FBXL20: variants seen among roughly 807,000 people sequenced by gnomAD.
The protein encoded by FBXL20 is F-box and leucine rich repeat protein 20.
FBXL20 carries 11 observed loss-of-function variants against 64.0 expected under a neutral mutation model. That is an observed-to-expected ratio of 0.17 (90% confidence interval 0.11 to 0.28). FBXL20 has a LOEUF of 0.28. FBXL20 is among the 10% of genes least tolerant of loss of function. FBXL20 has a pLI of 1.00. For synonymous variants in FBXL20, 184 were observed against 189.0 expected (o/e 0.97, Z 0.22); for missense variants, 303 against 526.2 (o/e 0.58, Z 4.15).
At chr17:39,350,260 G>A (rs2047674853) in intron 1 of FBXL20, among the ~76,000 whole-genome samples, 1 of 152,114 alleles carries the variant, frequency 6.6e-6, no homozygotes, top group Non-Finnish European at 1.5e-5. Context: ...GGAGGCCAAG[G>A]CGGGCTGATC....
At chr17:39,357,112 A>T (rs1205617837) in intron 1 of FBXL20, among the ~76,000 whole-genome samples, 1 of 151,634 alleles carries the variant, frequency 6.6e-6, no homozygotes, top group Non-Finnish European at 1.5e-5. Context: ...CGTCTCTACT[A>T]AAAATACAAA....
At chr17:39,367,048 A>T (rs1597823572) in intron 1 of FBXL20, among the ~76,000 whole-genome samples, 1 of 151,334 alleles carries the variant, frequency 6.6e-6, no homozygotes, top group Admixed American at 6.6e-5. Flanking sequence ...ACGCCCAGCT[A>T]ATTTTTTGTA....
rs376129048 is a variant in FBXL20, at chr17:39,303,664, A to T, written c.105-25T>A. ...CCTAAAAAGAAAAGAGAGAAAGACA[A>T]ATTTTATTGTATGATAAAGTAGTTG... On this transcript the variant is annotated intron_variant, in intron 2 of 14. Coordinates refer to ENST00000264658, the MANE Select transcript of FBXL20 (RefSeq NM_032875.3). The T allele has an allele frequency of 1.5e-5, 24 of 1,586,430 alleles. No individual in the cohort carries two copies. The East Asian group carries it at 3.4e-4, about 22-fold the overall frequency.
At chr17:39,361,983 TAAA>T (rs35807323) in intron 1 of FBXL20, among the ~76,000 whole-genome samples, 2 of 130,804 alleles carry the variant, frequency 1.5e-5, no homozygotes, top group African/African-American at 2.7e-5. Context: ...TTTGGAGCAC[TAAA>T]AAAAAAAAAA....
At chr17:39,388,197 G>A (rs563009381) in intron 1 of FBXL20, among the ~76,000 whole-genome samples, 2 of 151,988 alleles carry the variant, frequency 1.3e-5, no homozygotes, top group Admixed American at 1.3e-4. Context: ...TGGCTCACAC[G>A]TGTAATCCCA....
rs2046959944 is a variant in FBXL20, at chr17:39,282,872, A to G, written c.495-17T>C. 5 of 1,613,800 alleles carry G rather than the reference A, an allele frequency of 3.1e-6. No homozygotes were observed. The highest frequency in any genetic ancestry group is 3.4e-6 in the Non-Finnish European group (4 of 1,179,832). ...CATCCCTCACTTAGGATAAAACAAA[A>G]TAAGAGAAACATATCACTAAATCCA... On this transcript the variant is annotated splice_polypyrimidine_tract_variant and intron_variant, in intron 7 of 14. Coordinates refer to ENST00000264658, the MANE Select transcript of FBXL20 (RefSeq NM_032875.3).
chr17:39,369,146 T>C (rs2047890133), intron 1 of FBXL20, among the ~76,000 whole-genome samples: 1 of 152,090 alleles, frequency 6.6e-6, no homozygotes, highest in African/African-American at 2.4e-5. Context: ...GCAATAGTTT[T>C]AGAAGTACTG....
intron 2 of FBXL20, among the ~76,000 whole-genome samples, chr17:39,311,218 A>C (rs890269344): frequency 6.6e-6 from 1 of 152,150 alleles, no homozygotes; most frequent in Non-Finnish European, 1.5e-5. Flanking sequence ...TTTTGAGTGC[A>C]TCAAGCAGCA....
chr17:39,378,818 C>T (rs2047994970), intron 1 of FBXL20, among the ~76,000 whole-genome samples: 1 of 151,644 alleles, frequency 6.6e-6, no homozygotes, highest in South Asian at 2.1e-4. Context: ...ACTATGTTGG[C>T]CAGGCTGGTC....
At chr17:39,352,922 T>C (rs1423547872) in intron 1 of FBXL20, among the ~76,000 whole-genome samples, 2 of 152,126 alleles carry the variant, frequency 1.3e-5, no homozygotes, top group African/African-American at 2.4e-5. Flanking sequence ...TTTTGACCAG[T>C]AGGTTGTAAG....
At chr17:39,365,937 C>G (rs570624082) in intron 1 of FBXL20, among the ~76,000 whole-genome samples, 1 of 152,264 alleles carries the variant, frequency 6.6e-6, no homozygotes, top group Admixed American at 6.5e-5. Flanking sequence ...TTCACTTCAT[C>G]TGTAACACAG....
intron 1 of FBXL20, among the ~76,000 whole-genome samples, chr17:39,353,425 ATTAG>A (rs1224476091): frequency 6.6e-6 from 1 of 152,054 alleles, no homozygotes; most frequent in Non-Finnish European, 1.5e-5. Context: ...GTTCTATTTT[ATTAG>A]TTATTTTTGT....
At chr17:39,280,768 CTTAT>C (rs1031022341) in intron 9 of FBXL20, among the ~76,000 whole-genome samples, 2 of 151,904 alleles carry the variant, frequency 1.3e-5, no homozygotes, top group African/African-American at 4.8e-5. Context: ...TGCTCATCAT[CTTAT>C]TTATTTTTTT....
intron 1 of FBXL20, among the ~76,000 whole-genome samples, chr17:39,351,983 C>A (rs1037094210): frequency 6.6e-6 from 1 of 152,264 alleles, no homozygotes; most frequent in East Asian, 1.9e-4. Flanking sequence ...GGCCCTTGTA[C>A]CAATGTAGAA....
At chr17:39,271,977 G>A (rs117253169) in intron 10 of FBXL20, among the ~76,000 whole-genome samples, 8,081 of 152,190 alleles carry the variant, frequency 0.053, 242 homozygotes, top group Non-Finnish European at 0.078. Context: ...GGCGGGGTGC[G>A]GTGGCTCACA....
chr17:39,336,234 TAAC>T (rs1303421513), intron 2 of FBXL20, among the ~76,000 whole-genome samples: 1 of 152,204 alleles, frequency 6.6e-6, no homozygotes, highest in Non-Finnish European at 1.5e-5. Flanking sequence ...AATATGGTCC[TAAC>T]AACACAATTG....
chr17:39,339,018 A>T (rs2047555988), intron 2 of FBXL20, among the ~76,000 whole-genome samples: 1 of 151,760 alleles, frequency 6.6e-6, no homozygotes, highest in Non-Finnish European at 1.5e-5. Flanking sequence ...AAATACAAAA[A>T]CTAGCCAAGT....
intron 4 of FBXL20, 109 bp from the exon 5 acceptor site, chr17:39,299,193 G>T: frequency 4.0e-6 from 3 of 756,804 alleles, no homozygotes; most frequent in South Asian, 4.0e-5. Context: ...CTTCTATTAT[G>T]ACCTAATTTA....
At chr17:39,273,928 C>G (rs1460105612) in intron 10 of FBXL20, among the ~76,000 whole-genome samples, 1 of 151,940 alleles carries the variant, frequency 6.6e-6, no homozygotes, top group Non-Finnish European at 1.5e-5. Context: ...GGCTAGAGTG[C>G]AGTGGTGTGA....
Sources: allele counts gnomAD v4.1 joint callset (sites outside exome capture counted in the v4.1 genomes callset), GRCh38; gene constraint gnomAD v4.1.1; transcripts MANE v1.5; gene names NCBI Gene and HGNC (gene_info 2026-07-23, HGNC 2026-07-21).